Variants in CHID1 observed in about 807,000 individuals in gnomAD.
CHID1 encodes the protein chitinase domain-containing protein 1.
CHID1 carries 44 observed loss-of-function variants against 55.4 expected under a neutral mutation model. The observed-to-expected ratio is 0.79, with a 90% confidence interval of 0.62 to 1.02. The LOEUF (loss-of-function observed/expected upper bound fraction) is 1.02. CHID1 is among the 50% of genes least tolerant of loss of function. The probability of loss-of-function intolerance (pLI) is 0.00; values close to 1 mark genes in which losing one functional copy is unlikely to be tolerated. For missense variants in CHID1, 491 were observed against 515.3 expected (o/e 0.95, Z 0.46); for synonymous variants, 216 against 212.9 (o/e 1.01, Z -0.13).
chr11:879,630 G>A (rs920610735), intron 10 of CHID1, among the ~76,000 whole-genome samples: 1 of 152,246 alleles, frequency 6.6e-6, no homozygotes, highest in Non-Finnish European at 1.5e-5. Context: ...CCAGGACTGA[G>A]ACGAAGCTGT....
rs1849458185 is a variant in CHID1 at position 875,585 on chromosome 11, G to A, written c.960-5086C>T. ...AGGAGAACACGGTGAGCATGAGGCC[G>A]GGGATCGGGGCTGGGGTTGCTGAAA... On this transcript the variant is annotated intron_variant, in intron 10 of 12. Coordinates refer to ENST00000323578, the MANE Select transcript of CHID1 (RefSeq NM_023947.4). This position sits in a 1 kb window ranked among gnomAD's most constrained non-coding sequence, Gnocchi z 4.7. Among the ~76,000 whole-genome samples the A allele has an allele frequency of 2.0e-5, 3 of 152,190 alleles. No homozygotes were observed. Among genetic ancestry groups the A allele is most frequent in the Admixed American group, 6.5e-5 (1 of 15,280 alleles).
chr11:890,866 G>A (rs118036721), intron 8 of CHID1, among the ~76,000 whole-genome samples: 2,536 of 152,234 alleles, frequency 0.017, 26 homozygotes, highest in Middle Eastern at 0.037. Flanking sequence ...CGAAGGACAC[G>A]ATAAAATTGG....
intron 1 of CHID1, among the ~76,000 whole-genome samples, chr11:906,498 G>A (rs1030674588): frequency 1.3e-5 from 2 of 152,224 alleles, no homozygotes; most frequent in African/African-American, 2.4e-5. Context: ...CTCCCAAAAT[G>A]AGCCACCGCG....
intron 10 of CHID1, among the ~76,000 whole-genome samples, chr11:881,125 G>T (rs1386893765): frequency 1.3e-5 from 2 of 152,110 alleles, no homozygotes; most frequent in Non-Finnish European, 2.9e-5. Flanking sequence ...GACGTAAAGG[G>T]GACCCCAAGC....
In CHID1 at chr11:875,497, G is replaced by A. The variant is rs1008374345; in HGVS notation, c.960-4998C>T. On this transcript the variant is annotated intron_variant, in intron 10 of 12. Coordinates refer to ENST00000323578, the MANE Select transcript of CHID1 (RefSeq NM_023947.4). The surrounding 1 kb of genome is among the most constrained non-coding windows in gnomAD (Gnocchi z 4.7). ...CAGAGGCACAAGCTGTAGACACTGA[G>A]GGCCCCGGGTGTGGAGAAGACCTGG... 6.6e-6 allele frequency among the ~76,000 whole-genome samples: 1 copy of A among 152,230 alleles called. No homozygotes were observed. Among genetic ancestry groups the A allele is most frequent in the Non-Finnish European group, 1.5e-5 (1 of 68,046 alleles).
chr11:876,712 C>T (rs752941987), intron 10 of CHID1, among the ~76,000 whole-genome samples: 2 of 152,226 alleles, frequency 1.3e-5, no homozygotes, highest in South Asian at 2.1e-4. Context: ...TCGGCCGGCT[C>T]GGCAGCTGTG....
rs1196261560 is a variant in CHID1, at chr11:875,829, C to T, written c.960-5330G>A. Among the ~76,000 whole-genome samples the T allele has an allele frequency of 6.6e-6, 1 of 152,156 alleles. No individual in the cohort carries two copies. The highest frequency in any genetic ancestry group is 1.5e-5 in the Non-Finnish European group (1 of 68,048). On this transcript the variant is annotated intron_variant, in intron 10 of 12. Transcript: ENST00000323578. The surrounding 1 kb of genome is among the most constrained non-coding windows in gnomAD (Gnocchi z 4.7). Reference sequence around the variant, plus strand: ...AGATTCAATCCCTGCTGCTGCCGGCCTCCCAGACGTCCCCTGGCGGGTGAC... The same window carrying T: ...AGATTCAATCCCTGCTGCTGCCGGCTTCCCAGACGTCCCCTGGCGGGTGAC...
chr11:878,853 AT>A (rs890444828), intron 10 of CHID1, among the ~76,000 whole-genome samples: 9 of 143,396 alleles, frequency 6.3e-5, no homozygotes, highest in Non-Finnish European at 7.7e-5. Context: ...CACCCGGCTA[AT>A]TTTTTTTTTT....
upstream of CHID1, among the ~76,000 whole-genome samples, chr11:913,385 G>C (rs1589925086): frequency 6.6e-6 from 1 of 152,302 alleles, no homozygotes; most frequent in East Asian, 1.9e-4. Context: ...GCAAAAAGGA[G>C]TGAAAAGAGG....
chr11:910,568 T>C (rs1589919028), intron 1 of CHID1: 2 of 1,139,628 alleles, frequency 1.8e-6, no homozygotes, highest in East Asian at 1.0e-4. Flanking sequence ...CTCGCTCTCA[T>C]AGCAACCCTC....
At chr11:879,882 T>TC (rs1228536204) in intron 10 of CHID1, among the ~76,000 whole-genome samples, 2 of 152,106 alleles carry the variant, frequency 1.3e-5, no homozygotes, top group African/African-American at 4.8e-5. Flanking sequence ...CACCCAAAGG[T>TC]CCCAGAACCA....
At chr11:891,067 G>A (rs540737297) in intron 8 of CHID1, among the ~76,000 whole-genome samples, 1 of 152,192 alleles carries the variant, frequency 6.6e-6, no homozygotes, top group South Asian at 2.1e-4. Context: ...CTCCTCTGCA[G>A]TGGCTGCTCT....
chr11:887,445 C>T (rs1270491666), intron 8 of CHID1, among the ~76,000 whole-genome samples: 1 of 152,226 alleles, frequency 6.6e-6, no homozygotes, highest in South Asian at 2.1e-4. Context: ...GGCTGGTCTT[C>T]TCGCTCCTTT....
At chr11:870,809 C>T in intron 10 of CHID1, 1 of 316,788 alleles carries the variant, frequency 3.2e-6, no homozygotes, top group Non-Finnish European at 6.1e-6. Context: ...GACCCTCAGG[C>T]CGCGCAGCGG....
rs762370145 is a variant in CHID1 at position 900,972 on chromosome 11, G to A, written c.403C>T (p.Arg135Ter). The change falls in exon 5 of 13, where the codon CGA becomes TGA. Residue 135 changes from arginine to a stop codon, truncating the protein, a stop_gained. Coordinates refer to ENST00000323578, the MANE Select transcript of CHID1 (RefSeq NM_023947.4). LOFTEE classifies it high-confidence loss of function. ...CCCTTGGCATGCTTCCTGACAGCTC[G>A]CATCCACCCTGTGGGACATGGAGGG... ...GLHDVDQGWM[R>*]AVRKHAKGLH... The A allele has an allele frequency of 5.6e-6, 9 of 1,600,078 alleles. 1 individual carries two copies. Among genetic ancestry groups the A allele is most frequent in the Admixed American group, 3.4e-5 (2 of 58,178 alleles).
rs1369931568 is a variant in CHID1, at chr11:869,896, G to C, written c.1144C>G (p.Leu382Val). 4 of 1,612,896 alleles carry C rather than the reference G, an allele frequency of 2.5e-6. No homozygotes were observed. In the South Asian group the frequency reaches 3.3e-5, roughly 13 times the overall value. ...TAGAAGTAGTCCAGGCCCTGGCCCA[G>C]CTCCCAGATAGAGACCCCAACGCCC... Reference protein sequence around the residue: ...ELGVGVSIWELGQGLDYFYDL... With the variant: ...ELGVGVSIWEVGQGLDYFYDL... Residue 382 changes from leucine (L) to valine (V), a missense_variant, in exon 13 of 13, where the codon CTG (leucine) becomes GTG (valine). Physicochemically the swap from Leu to Val is conservative, Grantham distance 32. Transcript: ENST00000323578.
chr11:881,875 G>A (rs929246974), intron 10 of CHID1, among the ~76,000 whole-genome samples: 34 of 151,882 alleles, frequency 2.2e-4, no homozygotes, highest in African/African-American at 7.7e-4. Context: ...ATGGTGGCAT[G>A]CACCTGTGGT....
rs191614184 is a variant in CHID1 at position 899,973 on chromosome 11, C to A, written c.546+31G>T. ...GCCAGGTGGGACCCGGGGGGCTGTG[C>A]TCAGAGGCTGGAGCAGCACACAGGT... is the stretch of plus-strand genomic sequence containing the variant. On this transcript the variant is annotated intron_variant, in intron 6 of 12. Coordinates refer to ENST00000323578, the MANE Select transcript of CHID1 (RefSeq NM_023947.4). The A allele has an allele frequency of 3.2e-6, 5 of 1,560,408 alleles. No homozygotes were observed. In the East Asian group the frequency reaches 1.1e-4, roughly 35 times the overall value.
intron 1 of CHID1, among the ~76,000 whole-genome samples, chr11:907,202 C>G (rs1050482402): frequency 6.6e-6 from 1 of 152,184 alleles, no homozygotes; most frequent in Non-Finnish European, 1.5e-5. Flanking sequence ...TACTTTCCGG[C>G]CGGGCGCGGT....
Sources: allele counts gnomAD v4.1 joint callset (sites outside exome capture counted in the v4.1 genomes callset), GRCh38; gene constraint gnomAD v4.1.1; non-coding constraint Gnocchi (gnomAD v3.1); transcripts MANE v1.5; gene names NCBI Gene and HGNC (gene_info 2026-07-23, HGNC 2026-07-21).